The following ADAM23 variants were observed in gnomAD, a reference collection of about 807,000 sequenced individuals.
ADAM23 encodes the protein disintegrin and metalloproteinase domain-containing protein 23.
In ADAM23, 33 loss-of-function variants were observed where a neutral mutation model predicts 120.1. That is an observed-to-expected ratio of 0.27 (90% CI 0.21 to 0.37). The LOEUF (loss-of-function observed/expected upper bound fraction) is 0.37, where lower values mean the gene tolerates loss of function less well. ADAM23 is among the 10% of genes least tolerant of loss of function. The pLI, the probability that ADAM23 is intolerant of heterozygous loss-of-function variation, is 1.00. For synonymous variants in ADAM23, 367 were observed against 375.2 expected (o/e 0.98, Z 0.25); for missense variants, 862 against 1,058.2 (o/e 0.81, Z 2.57).
At chr2:206,582,856 G>T (rs1698245700) in intron 18 of ADAM23, among the ~76,000 whole-genome samples, 1 of 152,180 alleles carries the variant, frequency 6.6e-6, no homozygotes, top group Non-Finnish European at 1.5e-5. Flanking sequence ...GCTAATAACT[G>T]TTTGAGGAGG....
Position 206,570,743 on chromosome 2 carries a change from T to A in ADAM23, c.1498T>A (p.Phe500Ile). Residue 500 changes from phenylalanine (F) to isoleucine (I), a missense_variant, in exon 16 of 26, where the codon TTT becomes ATT. Around this residue, in one of 4 missense-constraint regions of ADAM23, gnomAD observed 617 missense variants for 813.5 expected, o/e 0.76. Coordinates refer to ENST00000264377, the MANE Select transcript of ADAM23 (RefSeq NM_003812.4). ...CTTCTGTCCCTAATCTCTTTAGCTA[T>A]TTGAGCCCACGGAATGTGGAAATGG... ...ACLFNRPTKL[F>I]EPTECGNGYV... 6.2e-7 allele frequency: 1 copy of A among 1,613,772 alleles called. No homozygotes were observed. Among genetic ancestry groups the A allele is most frequent in the Non-Finnish European group, 8.5e-7 (1 of 1,179,720 alleles).
chr2:206,610,162 G>A (rs764503705), intron 25 of ADAM23, among the ~76,000 whole-genome samples, 162 bp downstream of exon 25: 2 of 152,140 alleles, frequency 1.3e-5, no homozygotes, highest in South Asian at 2.1e-4. Flanking sequence ...GAAGAAACAC[G>A]GACCCTCAAC....
At chr2:206,593,920 A>T (rs1698471552) in intron 22 of ADAM23, among the ~76,000 whole-genome samples, 1 of 151,526 alleles carries the variant, frequency 6.6e-6, no homozygotes, top group African/African-American at 2.4e-5. Context: ...TTTTTTACAC[A>T]ATGGTAAGTA....
Position 206,540,963 on chromosome 2 carries a change from T to C in ADAM23, c.574-1089T>C, listed in dbSNP as rs374671780. ...TTCTTTTATAAATATTATTTATAAA[T>C]ATTATTTTTATAATAATAAAAATTT... is the stretch of plus-strand genomic sequence containing the variant. On this transcript the variant is annotated intron_variant, in intron 4 of 25. Transcript: ENST00000264377. 4.3e-4 allele frequency among the ~76,000 whole-genome samples: 64 copies of C among 147,608 alleles called. No homozygotes were observed. In the East Asian group the frequency reaches 0.011, roughly 26 times the overall value.
intron 3 of ADAM23, among the ~76,000 whole-genome samples, chr2:206,508,666 A>T (rs1407670680): frequency 6.6e-6 from 1 of 151,216 alleles, no homozygotes; most frequent in Non-Finnish European, 1.5e-5. Flanking sequence ...AAAAAAAAAA[A>T]AAAAAAGAAA....
At chr2:206,611,090 G>A (rs1368687823) in intron 25 of ADAM23, among the ~76,000 whole-genome samples, 1 of 152,132 alleles carries the variant, frequency 6.6e-6, no homozygotes, top group African/African-American at 2.4e-5. Flanking sequence ...ATTTTTAGAA[G>A]CTGATTAAAG....
chr2:206,605,505 T>C lies in ADAM23; in HGVS notation c.2360-4405T>C, dbSNP rs1203281410. ...ATTTAAATTACTTTTTAATTTTACC[T>C]CACATCTGGTAGGAACTATAACAAA... On this transcript the variant is annotated intron_variant, in intron 24 of 25. Coordinates refer to ENST00000264377, the MANE Select transcript of ADAM23 (RefSeq NM_003812.4). Among the ~76,000 whole-genome samples the C allele has an allele frequency of 2.6e-5, 4 of 151,908 alleles. 1 individual carries two copies. Among genetic ancestry groups the C allele is most frequent in the African/African-American group, 9.6e-5 (4 of 41,526 alleles).
chr2:206,490,919 A>T (rs1204560592), intron 3 of ADAM23, among the ~76,000 whole-genome samples: 5 of 152,224 alleles, frequency 3.3e-5, no homozygotes, highest in African/African-American at 9.6e-5. Context: ...CATATACAAT[A>T]AAAGAAATAT....
intron 2 of ADAM23, among the ~76,000 whole-genome samples, chr2:206,457,992 T>A (rs1339349364): frequency 6.6e-6 from 1 of 152,238 alleles, no homozygotes; most frequent in Non-Finnish European, 1.5e-5. Flanking sequence ...CATCATATTT[T>A]GGTGCAAAGC....
chr2:206,488,121 T>C (rs749342196), intron 3 of ADAM23, among the ~76,000 whole-genome samples: 6 of 152,234 alleles, frequency 3.9e-5, no homozygotes, highest in Non-Finnish European at 7.3e-5. Flanking sequence ...TACACTGATA[T>C]AGTTTCAGTT....
chr2:206,516,641 C>T (rs1400274733), intron 3 of ADAM23, among the ~76,000 whole-genome samples: 1 of 152,084 alleles, frequency 6.6e-6, no homozygotes, highest in Non-Finnish European at 1.5e-5. Flanking sequence ...CCTTTGCCCT[C>T]ATCTAAACCT....
intron 3 of ADAM23, among the ~76,000 whole-genome samples, chr2:206,487,334 A>G (rs1696035870): frequency 6.6e-6 from 1 of 152,110 alleles, no homozygotes. Flanking sequence ...GACTTTAGTA[A>G]GTGAGAAGGG....
intron 3 of ADAM23, among the ~76,000 whole-genome samples, chr2:206,497,128 G>A (rs922955820): frequency 6.6e-6 from 1 of 152,172 alleles, no homozygotes; most frequent in African/African-American, 2.4e-5. Flanking sequence ...TAGAAAATGA[G>A]GGAATCCTCC....
At chr2:206,477,895 A>ATATATATATATATATATATATATATAT (rs1553548627) in intron 2 of ADAM23, among the ~76,000 whole-genome samples, 3 of 102,154 alleles carry the variant, frequency 2.9e-5, no homozygotes, top group African/African-American at 9.1e-5. Flanking sequence ...AAAAAAAAAA[A>ATATATATATATATATATATATATATAT]AAATATATAT....
chr2:206,499,574 G>A (rs1028092985), intron 3 of ADAM23, among the ~76,000 whole-genome samples: 3 of 151,770 alleles, frequency 2.0e-5, no homozygotes, highest in Admixed American at 6.6e-5. Flanking sequence ...AACCAACATG[G>A]CACATGTATA....
chr2:206,549,148 G>A (rs1307769237), intron 8 of ADAM23, among the ~76,000 whole-genome samples: 1 of 151,646 alleles, frequency 6.6e-6, no homozygotes, highest in Non-Finnish European at 1.5e-5. Flanking sequence ...TTTAGATAAT[G>A]TTTTGCTGAG....
intron 3 of ADAM23, among the ~76,000 whole-genome samples, chr2:206,486,952 T>C (rs1449641396): frequency 6.6e-6 from 1 of 152,222 alleles, no homozygotes; most frequent in East Asian, 1.9e-4. Context: ...ATTCGCGTCC[T>C]GGACATTTCA....
At position 206,481,324 on chromosome 2, in the gene ADAM23, T is replaced by C; in HGVS notation, c.509+16T>C. On this transcript the variant is annotated intron_variant, in intron 3 of 25. Coordinates refer to ENST00000264377, the MANE Select transcript of ADAM23 (RefSeq NM_003812.4). ...TACTGAACAAGTGAGTATTTAGACA[T>C]AATCTTCTTAAGAAGCAGGTGCAAT... 1 of 1,555,934 alleles carries C rather than the reference T, an allele frequency of 6.4e-7. No homozygotes were observed. The highest frequency in any genetic ancestry group is 8.7e-7 in the Non-Finnish European group (1 of 1,150,630).
chr2:206,542,583 G>A lies in ADAM23; in HGVS notation c.656+449G>A, dbSNP rs115399764. On this transcript the variant is annotated intron_variant, in intron 5 of 25. Coordinates refer to ENST00000264377, the MANE Select transcript of ADAM23 (RefSeq NM_003812.4). ...GGGGTTCGCACATTGACCTAGGGGT[G>A]GGCTCTAACAAAACCATGTGTTGGC... Among the ~76,000 whole-genome samples, 508 of 152,188 alleles carry A rather than the reference G, an allele frequency of 3.3e-3. 3 individuals are homozygous for A. The highest frequency in any genetic ancestry group is 0.011 in the African/African-American group (477 of 41,514).
Sources: gnomAD v4.1 joint callset for allele counts (sites outside exome capture counted in the v4.1 genomes callset) on GRCh38, gnomAD v4.1.1 for gene constraint, gnomAD v4.1.1 regional missense constraint, MANE v1.5 for transcripts, NCBI Gene and HGNC (gene_info 2026-07-23, HGNC 2026-07-21) for gene names.